STIM2: variants seen among roughly 807,000 people sequenced by gnomAD.
The protein encoded by STIM2 is stromal interaction molecule 2.
A neutral mutation model predicts 85.8 loss-of-function variants in STIM2; 31 were observed. The ratio of observed to expected loss-of-function variants is 0.36; its 90% CI spans 0.27 to 0.49. The LOEUF (loss-of-function observed/expected upper bound fraction) is 0.49. Ranked by LOEUF, STIM2 falls within the 20% of genes least tolerant of loss-of-function variation. The pLI, the probability that STIM2 is intolerant of heterozygous loss-of-function variation, is 0.98. For synonymous variants in STIM2, 356 were observed against 331.1 expected, an observed-to-expected ratio of 1.08 and a Z score of -0.82; for missense variants, 841 against 927.6, an observed-to-expected ratio of 0.91 and a Z score of 1.21.
intron 3 of STIM2, among the ~76,000 whole-genome samples, chr4:26,982,346 T>C (rs920892435): frequency 1.3e-5 from 2 of 152,226 alleles, no homozygotes; most frequent in Non-Finnish European, 2.9e-5. Flanking sequence ...GTTACTATTA[T>C]GATTTTGATG....
In STIM2 at chr4:26,919,590, G is replaced by C; in HGVS notation, c.238G>C (p.Asp80His). 1 of 1,613,656 alleles carries C rather than the reference G, an allele frequency of 6.2e-7. No individual in the cohort carries two copies. Among genetic ancestry groups the C allele is most frequent in the Non-Finnish European group, 8.5e-7 (1 of 1,179,720 alleles). ...TCTTCAAACAATACATAAACAAATG[G>C]ATGATGACAAAGATGGTGGAATTGA... Residue 80 changes from aspartate to histidine, a missense_variant, in exon 2 of 12, where the codon GAT becomes CAT. By Grantham distance (81) the Asp-to-His change is moderately conservative. This residue lies in a region of STIM2 where 140 missense variants were observed against 117.7 expected (regional missense o/e 1.19). Coordinates refer to ENST00000467087, the MANE Select transcript of STIM2 (RefSeq NM_020860.4).
chr4:26,897,918 C>T (rs144862291), intron 1 of STIM2, among the ~76,000 whole-genome samples: 115 of 152,248 alleles, frequency 7.6e-4, no homozygotes, highest in African/African-American at 2.6e-3. Context: ...GGTGCACCAC[C>T]ATGCCTGACT....
At chr4:26,949,164 AATTTTG>A (rs1461144579) in intron 2 of STIM2, among the ~76,000 whole-genome samples, 1 of 152,136 alleles carries the variant, frequency 6.6e-6, no homozygotes. Flanking sequence ...TTGACAAATT[AATTTTG>A]ATACATTATA....
At chr4:26,927,680 TAAAAA>T (rs71186498) in intron 2 of STIM2, among the ~76,000 whole-genome samples, 467 of 23,466 alleles carry the variant, frequency 0.02, no homozygotes, top group Non-Finnish European at 0.034. Flanking sequence ...TAGAGTATAA[TAAAAA>T]AAAAAAAAAA....
intron 4 of STIM2, among the ~76,000 whole-genome samples, chr4:26,998,001 C>A (rs1728020951): frequency 6.6e-6 from 1 of 152,154 alleles, no homozygotes; most frequent in African/African-American, 2.4e-5. Flanking sequence ...TGAATCCTTG[C>A]CTTACCTATT....
chr4:26,918,599 A>T (rs193244074), intron 1 of STIM2, among the ~76,000 whole-genome samples: 168 of 152,282 alleles, frequency 1.1e-3, no homozygotes, highest in African/African-American at 3.6e-3. Flanking sequence ...TATTGTAGTG[A>T]CTTGATAGAA....
chr4:26,962,268 A>G (rs775498719), intron 3 of STIM2, among the ~76,000 whole-genome samples: 5 of 152,228 alleles, frequency 3.3e-5, no homozygotes, highest in Non-Finnish European at 7.3e-5. Context: ...ATTTATGGCA[A>G]CACCTGTTAG....
At chr4:26,861,519 C>T in intron 1 of STIM2, 150 bp downstream of exon 1, 1 of 1,151,330 alleles carries the variant, frequency 8.7e-7, no homozygotes, top group Non-Finnish European at 1.1e-6. Context: ...TCGTCGCGGT[C>T]CCCTGCACTC....
intron 1 of STIM2, among the ~76,000 whole-genome samples, chr4:26,918,418 A>G (rs147857524): frequency 3.9e-5 from 6 of 152,128 alleles, no homozygotes; most frequent in African/African-American, 1.4e-4. Context: ...AGGACAAGTG[A>G]TTTGTCCACA....
chr4:26,934,806 A>G (rs1387753623), intron 2 of STIM2, among the ~76,000 whole-genome samples: 1 of 151,078 alleles, frequency 6.6e-6, no homozygotes, highest in Non-Finnish European at 1.5e-5. Context: ...CCAGCTACTC[A>G]GGAGGCTGAG....
chr4:27,019,927 A>G (rs777957397), intron 11 of STIM2, among the ~76,000 whole-genome samples: 1 of 152,220 alleles, frequency 6.6e-6, no homozygotes, highest in Non-Finnish European at 1.5e-5. Context: ...TCCAAGTCAG[A>G]TTAGTTATGC....
chr4:26,974,145 G>T (rs1270048464), intron 3 of STIM2, among the ~76,000 whole-genome samples: 2 of 152,040 alleles, frequency 1.3e-5, no homozygotes, highest in Non-Finnish European at 2.9e-5. Flanking sequence ...CGTGCTGTGG[G>T]TCTCCTAAAT....
At chr4:26,899,202 T>C (rs1331613034) in intron 1 of STIM2, among the ~76,000 whole-genome samples, 1 of 152,102 alleles carries the variant, frequency 6.6e-6, no homozygotes, top group Non-Finnish European at 1.5e-5. Context: ...ACATGAGTTT[T>C]CTACCTTTAA....
At chr4:26,917,676 C>T (rs1039425465) in intron 1 of STIM2, among the ~76,000 whole-genome samples, 1 of 152,230 alleles carries the variant, frequency 6.6e-6, no homozygotes, top group Middle Eastern at 3.4e-3. Context: ...ACTGTTGACT[C>T]CTCTTAGAGA....
chr4:26,948,793 A>T (rs1257635257), intron 2 of STIM2, among the ~76,000 whole-genome samples: 8 of 151,026 alleles, frequency 5.3e-5, no homozygotes, highest in African/African-American at 1.7e-4. Flanking sequence ...TTTTTTTTTT[A>T]AAGGAAATTG....
rs146052413 is a variant in STIM2 at position 26,910,391 on chromosome 4, G to T, written c.152-9113G>T. ...AAATAAAAATTATCTGAGCGTGTTG[G>T]CGAGCGCCTGTAATTCCAGTTACTT... On this transcript the variant is annotated intron_variant, in intron 1 of 11. Coordinates refer to ENST00000467087, the MANE Select transcript of STIM2 (RefSeq NM_020860.4). Among the ~76,000 whole-genome samples the T allele has an allele frequency of 3.7e-3, 560 of 152,180 alleles. 3 individuals are homozygous for T. Among genetic ancestry groups the T allele is most frequent in the African/African-American group, 0.013 (531 of 41,530 alleles).
rs1272283384 is a variant in STIM2 at position 26,885,835 on chromosome 4, A to ATG, written c.151+24467_151+24468insGT. 1.9e-4 allele frequency among the ~76,000 whole-genome samples: 5 copies of ATG among 27,018 alleles called. 1 individual carries two copies. In the South Asian group the frequency reaches 4.3e-3, roughly 23 times the overall value. 17.7% of individuals were successfully genotyped at this position (27,018 alleles called of 152,430 possible). A position where few individuals can be genotyped will look rare whatever the true frequency, so the allele number is the denominator to read the frequency against. On this transcript the variant is annotated intron_variant, in intron 1 of 11. Transcript: ENST00000467087. ...AGCACCTCAGGTTATATATATATAT[A>ATG]TATATATATATATATATATATATAT...
At chr4:26,938,328 A>G (rs888880994) in intron 2 of STIM2, among the ~76,000 whole-genome samples, 1 of 152,218 alleles carries the variant, frequency 6.6e-6, no homozygotes, top group African/African-American at 2.4e-5. Context: ...ATCACCTCAC[A>G]TGTCAAAGGG....
intron 2 of STIM2, among the ~76,000 whole-genome samples, chr4:26,947,955 T>C (rs1368616767): frequency 6.6e-6 from 1 of 152,220 alleles, no homozygotes; most frequent in Non-Finnish European, 1.5e-5. Flanking sequence ...TCTTTCTTTA[T>C]AATCAGGAAA....
Sources: allele counts gnomAD v4.1 joint callset (sites outside exome capture counted in the v4.1 genomes callset), GRCh38; gene constraint gnomAD v4.1.1; regional missense constraint gnomAD v4.1.1; transcripts MANE v1.5; gene names NCBI Gene and HGNC (gene_info 2026-07-23, HGNC 2026-07-21).